DESI2: variants seen among roughly 807,000 people sequenced by gnomAD.
DESI2 encodes desumoylating isopeptidase 2, also known as deubiquitinase DESI2.
In DESI2, 10 loss-of-function variants were observed where a neutral mutation model predicts 24.1. The observed-to-expected ratio is 0.41, with a 90% CI of 0.26 to 0.70. The LOEUF is 0.70. Ranked by LOEUF, DESI2 falls within the 30% of genes least tolerant of loss-of-function variation. DESI2 has a pLI of 0.29. For missense variants in DESI2, 122 were observed against 234.9 expected, an observed-to-expected ratio of 0.52 and a Z score of 3.14; for synonymous variants, 71 against 87.7, an observed-to-expected ratio of 0.81 and a Z score of 1.06.
chr1:244,685,349 A>G (rs1676782519), intron 1 of DESI2, among the ~76,000 whole-genome samples: 2 of 152,178 alleles, frequency 1.3e-5, no homozygotes, highest in Admixed American at 1.3e-4. Flanking sequence ...ACATGCTTTT[A>G]GTAAGTCATA....
rs10543739 is a variant in DESI2 at position 244,679,868 on chromosome 1, CAAAAAAAAAAAAAAAA to C, written c.43-6718_43-6703del. On this transcript the variant is annotated intron_variant, in intron 1 of 4. Transcript: ENST00000302550. Reference sequence around the variant, plus strand: ...GGTGACAGAGTGAGAGACTCTATCTCAAAAAAAAAAAAAAAAAAAAAAAAAAGACATTTTCTACCTA... The same window carrying C: ...GGTGACAGAGTGAGAGACTCTATCTCAAAAAAAAAAGACATTTTCTACCTA... Among the ~76,000 whole-genome samples the C allele has an allele frequency of 2.3e-3, 183 of 80,630 alleles. 1 individual carries two copies. Among genetic ancestry groups the C allele is most frequent in the African/African-American group, 8.0e-3 (172 of 21,438 alleles). 52.9% of individuals were successfully genotyped at this position (80,630 alleles called of 152,430 possible).
chr1:244,664,004 T>C (rs536828452), intron 1 of DESI2, among the ~76,000 whole-genome samples: 13 of 119,492 alleles, frequency 1.1e-4, no homozygotes, highest in African/African-American at 2.3e-4. Flanking sequence ...GGCGACAGAG[T>C]GAGACTCCGT....
chr1:244,705,731 C>T lies in DESI2; in HGVS notation c.527C>T (p.Ser176Phe). The T allele has an allele frequency of 6.2e-7, 1 of 1,613,848 alleles. No homozygotes were observed. The highest frequency in any genetic ancestry group is 8.5e-7 in the Non-Finnish European group (1 of 1,180,046). The change falls in exon 5 of 5, where the codon TCC becomes TTC. Residue 176 changes from serine to phenylalanine, a missense_variant. Ser to Phe is a radical substitution (Grantham distance 155, BLOSUM62 -2). Coordinates refer to ENST00000302550, the MANE Select transcript of DESI2 (RefSeq NM_016076.5). ...ELEEAEDAAASASVASTAAGS... is the reference protein window; with the variant it reads ...ELEEAEDAAAFASVASTAAGS... The stretch of plus-strand genomic sequence containing the variant: ...GAGGAAGCAGAGGATGCTGCCGCAT[C>T]CGCTTCCGTGGCAAGCACTGCAGCA...
At chr1:244,684,934 C>G (rs1676763084) in intron 1 of DESI2, among the ~76,000 whole-genome samples, 1 of 152,166 alleles carries the variant, frequency 6.6e-6, no homozygotes, top group African/African-American at 2.4e-5. Context: ...TCTTACTACT[C>G]TCCTTCCAAA....
intron 4 of DESI2, among the ~76,000 whole-genome samples, chr1:244,698,855 ATCTGT>A (rs1234049986): frequency 3.3e-5 from 5 of 152,160 alleles, no homozygotes; most frequent in African/African-American, 9.7e-5. Flanking sequence ...CGAACTGCTG[ATCTGT>A]TCTGTATTTC....
chr1:244,665,101 T>C lies in DESI2; in HGVS notation c.42+11746T>C, dbSNP rs182868319. Among the ~76,000 whole-genome samples the C allele has an allele frequency of 3.5e-4, 54 of 152,364 alleles. No individual in the cohort carries two copies. The East Asian group carries it at 0.01, about 29-fold the overall frequency. The stretch of plus-strand genomic sequence containing the variant: ...TGCACCATTATTAGATGTTGAATTA[T>C]ACTAGTCTCTTCCAGCAAGTTTTGA... On this transcript the variant is annotated intron_variant, in intron 1 of 4. Coordinates refer to ENST00000302550, the MANE Select transcript of DESI2 (RefSeq NM_016076.5).
At chr1:244,685,671 G>A (rs1676792695) in intron 1 of DESI2, among the ~76,000 whole-genome samples, 1 of 151,694 alleles carries the variant, frequency 6.6e-6, no homozygotes. Context: ...GACTGGCTAG[G>A]GGTCTGGAGC....
chr1:244,657,354 A>G (rs1466569430), intron 1 of DESI2, among the ~76,000 whole-genome samples: 2 of 152,212 alleles, frequency 1.3e-5, no homozygotes, highest in Non-Finnish European at 2.9e-5. Flanking sequence ...CAACATGTCC[A>G]GGAACAAACT....
intron 3 of DESI2, among the ~76,000 whole-genome samples, chr1:244,690,448 G>A (rs547676055): frequency 1.3e-5 from 2 of 152,206 alleles, no homozygotes; most frequent in Non-Finnish European, 2.9e-5. Flanking sequence ...GCTCATGCCT[G>A]TAATCCCAGC....
rs1003181258 is a variant in DESI2, at chr1:244,689,867, A to C, written c.209+525A>C. On this transcript the variant is annotated intron_variant, in intron 3 of 4. Transcript: ENST00000302550. This position sits in a 1 kb window ranked among gnomAD's most constrained non-coding sequence, Gnocchi z 4.0. ...CAATCTCCTGTTTGAAAGGAGAAAA[A>C]GTTTTATTGTGACCTACCTAGCAAA... 6.6e-6 allele frequency among the ~76,000 whole-genome samples: 1 copy of C among 152,140 alleles called. No individual in the cohort carries two copies. Among genetic ancestry groups the C allele is most frequent in the Non-Finnish European group, 1.5e-5 (1 of 68,028 alleles).
At chr1:244,678,475 A>G (rs944955660) in intron 1 of DESI2, among the ~76,000 whole-genome samples, 7 of 152,202 alleles carry the variant, frequency 4.6e-5, no homozygotes, top group Admixed American at 1.3e-4. Flanking sequence ...GCCCACTCTG[A>G]TAAGTTCATT....
At chr1:244,665,127 T>C (rs907533698) in intron 1 of DESI2, among the ~76,000 whole-genome samples, 2 of 152,332 alleles carry the variant, frequency 1.3e-5, no homozygotes, top group East Asian at 3.9e-4. Flanking sequence ...CAAGTTTTGA[T>C]ATCAGTTTTG....
At chr1:244,675,991 G>A (rs1676402810) in intron 1 of DESI2, among the ~76,000 whole-genome samples, 1 of 151,920 alleles carries the variant, frequency 6.6e-6, no homozygotes, top group South Asian at 2.1e-4. Context: ...CTTCTTAAAT[G>A]TATCCATAAG....
At chr1:244,683,518 A>G (rs569988472) in intron 1 of DESI2, among the ~76,000 whole-genome samples, 13 of 152,058 alleles carry the variant, frequency 8.5e-5, no homozygotes, top group East Asian at 1.9e-4. Flanking sequence ...TCACCATGTT[A>G]GCCAGGGTGG....
rs779268725 is a variant in DESI2, at chr1:244,706,139, T to C, written c.*350T>C. 1 of 213,958 alleles carries C rather than the reference T, an allele frequency of 4.7e-6. No homozygotes were observed. The highest frequency in any genetic ancestry group is 9.5e-6 in the Non-Finnish European group (1 of 105,248). The allele number at this position is 213,958 out of a possible 1,614,324, so 13.3% of individuals were successfully genotyped here. A position where few individuals can be genotyped will look rare whatever the true frequency, so the allele number is the denominator to read the frequency against. On this transcript the variant is annotated 3_prime_UTR_variant, in exon 5 of 5. Coordinates refer to ENST00000302550, the MANE Select transcript of DESI2 (RefSeq NM_016076.5). ...GTGAAAGAAGAAAATCTTCATGTCT[T>C]CAAAAATTAGGCAGGTAATCTTTGT...
At chr1:244,697,464 G>T (rs1300862115) in intron 4 of DESI2, among the ~76,000 whole-genome samples, 1 of 138,928 alleles carries the variant, frequency 7.2e-6, no homozygotes, top group South Asian at 2.7e-4. Flanking sequence ...GTGACAGAGG[G>T]AGCCTCTGTC....
chr1:244,663,741 G>C (rs556689572), intron 1 of DESI2, among the ~76,000 whole-genome samples: 2 of 151,784 alleles, frequency 1.3e-5, no homozygotes, highest in Non-Finnish European at 2.9e-5. Flanking sequence ...GAACTTGGCC[G>C]GGCACGGTGG....
chr1:244,694,656 C>G, intron 4 of DESI2: 1 of 792,156 alleles, frequency 1.3e-6, no homozygotes, highest in South Asian at 1.3e-5. Context: ...GGCCTTAGAG[C>G]CACAGCAGTG....
rs578217538 is a variant in DESI2, at chr1:244,679,580, A to G, written c.43-7017A>G. On this transcript the variant is annotated intron_variant, in intron 1 of 4. Transcript: ENST00000302550. ...ACTTTAGTATGTATTTCCCAAGAAG[A>G]CATTTTCTGGCTTGGCGTGTTGGCT... Among the ~76,000 whole-genome samples, 12 of 152,294 alleles carry G rather than the reference A, an allele frequency of 7.9e-5. No individual in the cohort carries two copies. In the South Asian group the frequency reaches 2.5e-3, roughly 32 times the overall value.
Sources: gnomAD v4.1 joint callset for allele counts (sites outside exome capture counted in the v4.1 genomes callset) on GRCh38, gnomAD v4.1.1 for gene constraint, Gnocchi (gnomAD v3.1) non-coding constraint, MANE v1.5 for transcripts, NCBI Gene and HGNC (gene_info 2026-07-23, HGNC 2026-07-21) for gene names.